Variants in DNAH9 observed in about 807,000 individuals in gnomAD.
The protein encoded by DNAH9 is DNAH9 variant protein.
A neutral mutation model predicts 471.6 loss-of-function variants in DNAH9; 345 were observed. The observed-to-expected ratio is 0.73, with a 90% CI of 0.67 to 0.80. The LOEUF is 0.80. Ranked by LOEUF, DNAH9 falls within the 30% of genes least tolerant of loss-of-function variation. DNAH9 has a pLI of 0.00. For synonymous variants in DNAH9, 2,093 were observed against 2,123.6 expected, an observed-to-expected ratio of 0.99 and a Z score of 0.40; for missense variants, 5,407 against 5,609.2, an observed-to-expected ratio of 0.96 and a Z score of 1.15.
chr17:11,968,697 C>T (rs73300427), intron 68 of DNAH9, among the ~76,000 whole-genome samples: 4,435 of 152,186 alleles, frequency 0.029, 219 homozygotes, highest in African/African-American at 0.1. Context: ...GAACATTTCT[C>T]GGGACTAGTA....
chr17:11,938,228 G>C (rs1974776267), intron 66 of DNAH9, among the ~76,000 whole-genome samples: 1 of 152,036 alleles, frequency 6.6e-6, no homozygotes, highest in African/African-American at 2.4e-5. Context: ...GGGAGGCCAA[G>C]GCGGGCAGAT....
At chr17:11,694,298 A>G in intron 21 of DNAH9, 23 bp from the exon 22 acceptor site, 1 of 1,613,176 alleles carries the variant, frequency 6.2e-7, no homozygotes, top group Non-Finnish European at 8.5e-7. Context: ...TTAACTGGGA[A>G]ATTCTATGTT....
At chr17:11,742,857 T>G (rs1175033191) in intron 30 of DNAH9, among the ~76,000 whole-genome samples, 2 of 152,212 alleles carry the variant, frequency 1.3e-5, no homozygotes, top group African/African-American at 4.8e-5. Context: ...CAATGAGCTT[T>G]GGGATTATCT....
chr17:11,651,169 G>A lies in DNAH9; in HGVS notation c.2198G>A (p.Arg733Gln), dbSNP rs200474468. 14 of 1,613,902 alleles carry A rather than the reference G, an allele frequency of 8.7e-6. No individual in the cohort carries two copies. The highest frequency in any genetic ancestry group is 1.3e-5 in the African/African-American group (1 of 74,860). Residue 733 changes from arginine (R) to glutamine (Q), a missense_variant, in exon 13 of 69, where the codon CGG (arginine) becomes CAG (glutamine). Coordinates refer to ENST00000262442, the MANE Select transcript of DNAH9 (RefSeq NM_001372.4). The stretch of plus-strand genomic sequence containing the variant: ...ATGTTCTCCTCCAGGGATTTCTATC[G>A]GCAGCTTGTGGCTAATTTAGAGTTG... ...AAMFSSRDFYRQLVANLELMA... is the reference protein window; with the variant it reads ...AAMFSSRDFYQQLVANLELMA...
chr17:11,654,028 C>CA (rs1009695798), intron 14 of DNAH9, among the ~76,000 whole-genome samples: 16 of 151,338 alleles, frequency 1.1e-4, no homozygotes, highest in African/African-American at 3.6e-4. Flanking sequence ...AACCATCAAG[C>CA]AAAAAAAGGA....
intron 50 of DNAH9, among the ~76,000 whole-genome samples, chr17:11,865,028 A>C (rs1472993033): frequency 3.3e-5 from 5 of 152,070 alleles, no homozygotes; most frequent in Non-Finnish European, 7.4e-5. Flanking sequence ...TTACATTTAA[A>C]GTTAATATTG....
intron 26 of DNAH9, among the ~76,000 whole-genome samples, chr17:11,716,956 G>C (rs2150797982): frequency 6.6e-6 from 1 of 152,338 alleles, no homozygotes; most frequent in Middle Eastern, 3.4e-3. Flanking sequence ...GATCCACCTG[G>C]AGCCAGAAAC....
chr17:11,755,582 C>A (rs78409092), intron 33 of DNAH9, among the ~76,000 whole-genome samples: 1,942 of 152,160 alleles, frequency 0.013, 40 homozygotes, highest in African/African-American at 0.045. Context: ...AATGTAAGTT[C>A]TTTTCCTTTA....
intron 45 of DNAH9, among the ~76,000 whole-genome samples, chr17:11,818,885 C>T (rs181725122): frequency 0.05 from 7,298 of 147,240 alleles, 352 homozygotes; most frequent in Admixed American, 0.14. Flanking sequence ...TCCATTATTA[C>T]TATTATTATT....
chr17:11,783,702 G>C lies in DNAH9; in HGVS notation c.7775G>C (p.Cys2592Ser). ...ATCACAAATGTACAGTATGTTTCCT[G>C]TATGAACCCCACGGCAGGCAGCTTC... Reference protein sequence around the residue: ...KEITNVQYVSCMNPTAGSFTI... With the variant: ...KEITNVQYVSSMNPTAGSFTI... The change falls in exon 40 of 69, where the codon TGT (cysteine) becomes TCT (serine). Residue 2592 changes from cysteine to serine, a missense_variant. By Grantham distance (112) the Cys-to-Ser change is moderately radical (BLOSUM62 -1). Around this residue, in one of 3 missense-constraint regions of DNAH9, gnomAD observed 4,636 missense variants for 4,900.3 expected, o/e 0.95. Transcript: ENST00000262442. 1 of 1,614,118 alleles carries C rather than the reference G, an allele frequency of 6.2e-7. No individual in the cohort carries two copies. Among genetic ancestry groups the C allele is most frequent in the Non-Finnish European group, 8.5e-7 (1 of 1,180,032 alleles).
chr17:11,738,516 G>A (rs192163221), intron 28 of DNAH9, among the ~76,000 whole-genome samples: 12 of 152,300 alleles, frequency 7.9e-5, no homozygotes, highest in Admixed American at 5.9e-4. Flanking sequence ...GAGTAACTGG[G>A]ATTACAGATG....
intron 45 of DNAH9, among the ~76,000 whole-genome samples, chr17:11,816,747 A>G (rs961724055): frequency 1.3e-5 from 2 of 152,204 alleles, no homozygotes; most frequent in African/African-American, 2.4e-5. Context: ...ACTAACATAC[A>G]GAAGATGGCA....
chr17:11,778,893 C>A (rs938594135), intron 38 of DNAH9, among the ~76,000 whole-genome samples: 1 of 152,010 alleles, frequency 6.6e-6, no homozygotes, highest in Admixed American at 6.6e-5. Context: ...GTAATCCCAG[C>A]TACTTGGGAG....
chr17:11,768,717 C>A, intron 37 of DNAH9, 91 bp downstream of exon 37: 1 of 1,471,864 alleles, frequency 6.8e-7, no homozygotes, highest in Non-Finnish European at 9.2e-7. Context: ...GCTATCTGAG[C>A]ATTTGTCCTT....
At chr17:11,770,348 T>C (rs1968153852) in intron 38 of DNAH9, among the ~76,000 whole-genome samples, 1 of 152,202 alleles carries the variant, frequency 6.6e-6, no homozygotes, top group Non-Finnish European at 1.5e-5. Context: ...TTGCCTCTGC[T>C]GACACTCTGC....
At chr17:11,634,692 C>G (rs2073128227) in intron 8 of DNAH9, among the ~76,000 whole-genome samples, 1 of 152,180 alleles carries the variant, frequency 6.6e-6, no homozygotes, top group Non-Finnish European at 1.5e-5. Context: ...CTTTTTAGCA[C>G]CTTTACAGAG....
At chr17:11,616,385 G>T (rs1433803603) in intron 4 of DNAH9, among the ~76,000 whole-genome samples, 2 of 152,138 alleles carry the variant, frequency 1.3e-5, no homozygotes, top group Non-Finnish European at 2.9e-5. Context: ...AAGACCACCT[G>T]CTCTCATATG....
chr17:11,652,389 C>T (rs1184448833), intron 13 of DNAH9, among the ~76,000 whole-genome samples: 1 of 150,896 alleles, frequency 6.6e-6, no homozygotes, highest in Non-Finnish European at 1.5e-5. Flanking sequence ...GGGTTCACGC[C>T]ATTCTCCTGC....
chr17:11,827,661 C>T (rs1234004168), intron 48 of DNAH9, among the ~76,000 whole-genome samples: 1 of 150,588 alleles, frequency 6.6e-6, no homozygotes, highest in Non-Finnish European at 1.5e-5. Flanking sequence ...CCACACAGGC[C>T]AAAGTCCTTG....
Sources: gnomAD v4.1 joint callset for allele counts (sites outside exome capture counted in the v4.1 genomes callset) on GRCh38, gnomAD v4.1.1 for gene constraint, gnomAD v4.1.1 regional missense constraint, MANE v1.5 for transcripts, NCBI Gene and HGNC (gene_info 2026-07-23, HGNC 2026-07-21) for gene names.